Variants in ZNF462 observed in about 807,000 individuals in gnomAD.
The protein encoded by ZNF462 is zinc finger PBX1-interacting protein.
Under a neutral mutation model 201.9 loss-of-function variants are expected in ZNF462, and 10 were observed. The ratio of observed to expected loss-of-function variants is 0.05; its 90% CI spans 0.03 to 0.08. The LOEUF is 0.08. ZNF462 is among the 10% of genes least tolerant of loss of function. The pLI is 1.00. For missense variants in ZNF462, 2,523 were observed against 3,168.3 expected (o/e 0.80, Z 4.89); for synonymous variants, 1,227 against 1,193.3 (o/e 1.03, Z -0.58).
chr9:106,960,777 T>C (rs1298799600), intron 7 of ZNF462, among the ~76,000 whole-genome samples: 1 of 152,108 alleles, frequency 6.6e-6, no homozygotes, highest in Non-Finnish European at 1.5e-5. Context: ...GAAGAAGGAA[T>C]AGCTACAGTG....
intron 9 of ZNF462, among the ~76,000 whole-genome samples, chr9:106,980,282 C>T (rs1168914024): frequency 3.9e-5 from 6 of 152,186 alleles, no homozygotes; most frequent in Non-Finnish European, 8.8e-5. Context: ...TTCTTCATAG[C>T]TTTCTCTAAT....
Position 107,008,304 on chromosome 9 carries a change from G to T in ZNF462, c.7190-1241G>T, listed in dbSNP as rs549320677. ...GCAATTATTTTTAATGGCTTGTGTG[G>T]TGATCTTCTTAATTTGTGAGAAAAT... On this transcript the variant is annotated intron_variant, in intron 11 of 12. Transcript: ENST00000277225. The surrounding 1 kb of genome is among the most constrained non-coding windows in gnomAD (Gnocchi z 4.8). Among the ~76,000 whole-genome samples the T allele has an allele frequency of 9.2e-5, 14 of 152,188 alleles. No homozygotes were observed. Among genetic ancestry groups the T allele is most frequent in the African/African-American group, 3.4e-4 (14 of 41,452 alleles).
rs1423757068 is a variant in ZNF462 at position 106,954,964 on chromosome 9, T to C, written c.6427+15857T>C. Reference sequence around the variant, plus strand: ...AAATGTAAAATGAAAATTTGTTGTGTCCTGTAAATAGTCATGGTAGTAAAG... The same window carrying C: ...AAATGTAAAATGAAAATTTGTTGTGCCCTGTAAATAGTCATGGTAGTAAAG... On this transcript the variant is annotated intron_variant, in intron 7 of 12. Transcript: ENST00000277225. The surrounding 1 kb of genome is among the most constrained non-coding windows in gnomAD (Gnocchi z 4.0). Among the ~76,000 whole-genome samples the C allele has an allele frequency of 6.6e-6, 1 of 152,154 alleles. No homozygotes were observed. The highest frequency in any genetic ancestry group is 1.5e-5 in the Non-Finnish European group (1 of 68,018).
chr9:106,988,781 C>G (rs1470351089), intron 10 of ZNF462, among the ~76,000 whole-genome samples: 3 of 151,758 alleles, frequency 2.0e-5, no homozygotes, highest in Admixed American at 1.3e-4. Flanking sequence ...TTCCTAAGTA[C>G]TTTATTTTTT....
At position 106,920,519 on chromosome 9, in the gene ZNF462, A is replaced by C. The variant is rs529610797; in HGVS notation, c.-30-2835A>C. Among the ~76,000 whole-genome samples, 2 of 152,288 alleles carry C rather than the reference A, an allele frequency of 1.3e-5. No individual in the cohort carries two copies. The highest frequency in any genetic ancestry group is 4.8e-5 in the African/African-American group (2 of 41,546). On this transcript the variant is annotated intron_variant, in intron 1 of 12. Coordinates refer to ENST00000277225, the MANE Select transcript of ZNF462 (RefSeq NM_021224.6). This position sits in a 1 kb window ranked among gnomAD's most constrained non-coding sequence, Gnocchi z 4.3. ...GGTTCTCTCAGCGGCCTGGAGATTA[A>C]CCTCTTCTAAGGCTCTGAGCTATTT... is the stretch of plus-strand genomic sequence containing the variant.
chr9:106,983,896 C>A (rs1415904302), intron 9 of ZNF462, among the ~76,000 whole-genome samples: 1 of 152,184 alleles, frequency 6.6e-6, no homozygotes, highest in Non-Finnish European at 1.5e-5. Flanking sequence ...GCCTTAATCA[C>A]CTCCATTCAG....
chr9:106,996,250 G>A (rs373805414), intron 10 of ZNF462, among the ~76,000 whole-genome samples: 3 of 152,084 alleles, frequency 2.0e-5, no homozygotes, highest in South Asian at 4.2e-4. Context: ...AGTCTTTGCT[G>A]TTGTGAATAG....
intron 1 of ZNF462, among the ~76,000 whole-genome samples, chr9:106,882,778 A>C (rs1828156053): frequency 6.6e-6 from 1 of 152,202 alleles, no homozygotes; most frequent in African/African-American, 2.4e-5. Flanking sequence ...TATGTGAAAG[A>C]GGAAGACAGG....
intron 1 of ZNF462, among the ~76,000 whole-genome samples, chr9:106,869,959 C>G (rs924944929): frequency 6.6e-6 from 1 of 152,062 alleles, no homozygotes; most frequent in Non-Finnish European, 1.5e-5. Flanking sequence ...ACTGCACACA[C>G]TGATAAAAGG....
chr9:107,009,398 C>G lies in ZNF462; in HGVS notation c.7190-147C>G, dbSNP rs1829787835. 2.6e-6 allele frequency: 3 copies of G among 1,134,826 alleles called. No individual in the cohort carries two copies. Among genetic ancestry groups the G allele is most frequent in the East Asian group, 2.6e-5 (1 of 38,684 alleles). The allele number at this position is 1,134,826 out of a possible 1,614,324, so 70.3% of individuals were successfully genotyped here. The stretch of plus-strand genomic sequence containing the variant: ...TCAAGGAATGCCCTAAGGGGGAAAC[C>G]TAAGAAAAAGTGAGGAATCTGGAAA... On this transcript the variant is annotated intron_variant, in intron 11 of 12. Coordinates refer to ENST00000277225, the MANE Select transcript of ZNF462 (RefSeq NM_021224.6). The surrounding 1 kb of genome is among the most constrained non-coding windows in gnomAD (Gnocchi z 6.1).
At chr9:106,965,215 A>G (rs1832017659) in intron 7 of ZNF462, among the ~76,000 whole-genome samples, 1 of 152,096 alleles carries the variant, frequency 6.6e-6, no homozygotes, top group South Asian at 2.1e-4. Flanking sequence ...GGCGTTGATT[A>G]AGGATCCCCA....
At chr9:106,899,813 GCTTTT>G (rs1828978850) in intron 1 of ZNF462, among the ~76,000 whole-genome samples, 1 of 151,960 alleles carries the variant, frequency 6.6e-6, no homozygotes, top group African/African-American at 2.4e-5. Flanking sequence ...AGATAGTGTG[GCTTTT>G]CTTTTTTTTT....
rs1830264906 is a variant in ZNF462, at chr9:106,927,882, C to G, written c.3970C>G (p.Pro1324Ala). The change falls in exon 3 of 13, where the codon CCC becomes GCC. Residue 1324 changes from proline to alanine, a missense_variant. By Grantham distance (27) the Pro-to-Ala change is conservative. Coordinates refer to ENST00000277225, the MANE Select transcript of ZNF462 (RefSeq NM_021224.6). ...GTGGTGCATCTACTCCCATACGGAG[C>G]CCAACGGTTTGCTCCTGCATTACCA... ...CEWCIYSHTEPNGLLLHYQRR... is the reference protein window; with the variant it reads ...CEWCIYSHTEANGLLLHYQRR... 6.2e-7 allele frequency: 1 copy of G among 1,614,038 alleles called. No homozygotes were observed. The highest frequency in any genetic ancestry group is 1.1e-5 in the South Asian group (1 of 91,084).
rs549920860 is a variant in ZNF462, at chr9:106,970,676, T to G, written c.6428-1329T>G. Among the ~76,000 whole-genome samples, 17 of 152,208 alleles carry G rather than the reference T, an allele frequency of 1.1e-4. No homozygotes were observed. Among genetic ancestry groups the G allele is most frequent in the Non-Finnish European group, 8.8e-5 (6 of 68,040 alleles). On this transcript the variant is annotated intron_variant, in intron 7 of 12. Coordinates refer to ENST00000277225, the MANE Select transcript of ZNF462 (RefSeq NM_021224.6). The surrounding 1 kb of genome is among the most constrained non-coding windows in gnomAD (Gnocchi z 4.2). ...ATTCATCTGTGTGGTATTCATGGAC[T>G]TCATTTGTGTCATTCATAGGCAGCT...
rs151056251 is a variant in ZNF462 at position 106,874,828 on chromosome 9, G to T, written c.-31+11473G>T. On this transcript the variant is annotated intron_variant, in intron 1 of 12. Transcript: ENST00000277225. ...TGAAATTCATCCCTGCCCCATGGTT[G>T]ACTCAGTGTTTCAGAATACCTCACC... Among the ~76,000 whole-genome samples the T allele has an allele frequency of 3.4e-4, 52 of 152,296 alleles. No homozygotes were observed. In the East Asian group the frequency reaches 0.01, roughly 29 times the overall value.
intron 7 of ZNF462, among the ~76,000 whole-genome samples, chr9:106,951,507 G>A (rs758094699): frequency 3.3e-5 from 5 of 152,192 alleles, no homozygotes; most frequent in South Asian, 2.1e-4. Context: ...TGCTGCACAC[G>A]TTGGTGGTTG....
chr9:106,932,396 C>CG lies in ZNF462; in HGVS notation c.6013-44dup. The stretch of plus-strand genomic sequence containing the variant: ...GGAATGTTGGAGGATGAAACCCGGC[C>CG]GGGGGGATACCATTGCAGTCAATGT... On this transcript the variant is annotated intron_variant, in intron 4 of 12. Coordinates refer to ENST00000277225, the MANE Select transcript of ZNF462 (RefSeq NM_021224.6). The surrounding 1 kb of genome is among the most constrained non-coding windows in gnomAD (Gnocchi z 6.8). 1 of 1,613,368 alleles carries CG rather than the reference C, an allele frequency of 6.2e-7. No homozygotes were observed. The highest frequency in any genetic ancestry group is 8.5e-7 in the Non-Finnish European group (1 of 1,179,704).
intron 7 of ZNF462, among the ~76,000 whole-genome samples, chr9:106,943,057 C>CGTGT (rs577655863): frequency 0.034 from 4,693 of 136,734 alleles, 107 homozygotes; most frequent in South Asian, 0.063. Context: ...GTTTTGCGCG[C>CGTGT]GCGTGTGTGT....
At chr9:106,943,687 A>AT (rs1440109680) in intron 7 of ZNF462, among the ~76,000 whole-genome samples, 3 of 152,030 alleles carry the variant, frequency 2.0e-5, no homozygotes, top group African/African-American at 4.8e-5. Flanking sequence ...CAGATATGCT[A>AT]TTTTTTTCTG....
Sources: gnomAD v4.1 joint callset for allele counts (sites outside exome capture counted in the v4.1 genomes callset) on GRCh38, gnomAD v4.1.1 for gene constraint, Gnocchi (gnomAD v3.1) non-coding constraint, MANE v1.5 for transcripts, NCBI Gene and HGNC (gene_info 2026-07-23, HGNC 2026-07-21) for gene names.